ALOX5AP: variants seen among roughly 807,000 people sequenced by gnomAD.
ALOX5AP encodes the protein arachidonate 5-lipoxygenase-activating protein.
ALOX5AP carries 9 observed loss-of-function variants against 18.5 expected under a neutral mutation model. That is an observed-to-expected ratio of 0.49 (90% CI 0.29 to 0.85). The LOEUF is 0.85. Among genes scored for constraint, ALOX5AP ranks in the 40% least tolerant of loss-of-function variants. The pLI is 0.08. For synonymous variants in ALOX5AP, 81 were observed against 78.6 expected (o/e 1.03, Z -0.16); for missense variants, 172 against 202.5 (o/e 0.85, Z 0.91).
At chr13:30,744,695 T>C (rs1346697298) in intron 2 of ALOX5AP, among the ~76,000 whole-genome samples, 1 of 152,236 alleles carries the variant, frequency 6.6e-6, no homozygotes, top group Non-Finnish European at 1.5e-5. Context: ...CCCTCTCTCA[T>C]TCTTTTCTTT....
At chr13:30,740,497 A>G (rs550781557) in intron 1 of ALOX5AP, among the ~76,000 whole-genome samples, 2 of 152,324 alleles carry the variant, frequency 1.3e-5, no homozygotes, top group Non-Finnish European at 2.9e-5. Context: ...GTTTTGGCTT[A>G]CTGTTAGCAG....
chr13:30,740,889 C>A (rs1218323671), intron 1 of ALOX5AP, among the ~76,000 whole-genome samples: 2 of 152,052 alleles, frequency 1.3e-5, no homozygotes, highest in African/African-American at 4.8e-5. Context: ...GTTCTCTGAG[C>A]AAGGAGGGAA....
chr13:30,727,475 T>G (rs1951648189), intron 1 of ALOX5AP, among the ~76,000 whole-genome samples: 2 of 152,170 alleles, frequency 1.3e-5, no homozygotes, highest in East Asian at 3.8e-4. Context: ...TTCCCCAAAT[T>G]CACTTTTCCT....
chr13:30,760,100 C>T (rs1028263151), intron 4 of ALOX5AP, among the ~76,000 whole-genome samples: 12 of 152,248 alleles, frequency 7.9e-5, no homozygotes, highest in South Asian at 6.2e-4. Context: ...ATATCTTGTC[C>T]TCACAGAGCT....
chr13:30,741,849 T>TA (rs1593436962), intron 1 of ALOX5AP, among the ~76,000 whole-genome samples: 1 of 149,796 alleles, frequency 6.7e-6, no homozygotes, highest in South Asian at 2.1e-4. Flanking sequence ...TTTTTTTTTT[T>TA]AATATTTTTG....
intron 1 of ALOX5AP, among the ~76,000 whole-genome samples, 188 bp downstream of exon 1, chr13:30,735,863 C>T (rs1204166146): frequency 1.3e-5 from 2 of 152,122 alleles, no homozygotes; most frequent in South Asian, 2.1e-4. Flanking sequence ...TGGGGTTTTC[C>T]TCCTCTTAGT....
At chr13:30,751,506 C>A (rs11147439) in intron 2 of ALOX5AP, among the ~76,000 whole-genome samples, 68,882 of 152,048 alleles carry the variant, frequency 0.45, 15,781 homozygotes, top group East Asian at 0.62. Flanking sequence ...AGGACTGTGC[C>A]CAGCATACAG....
Position 30,744,116 on chromosome 13 carries a change from C to T in ALOX5AP, c.127C>T (p.Gln43Ter). The change falls in exon 2 of 5, where the codon CAG becomes TAG. Residue 43 changes from glutamine (Q) to a stop codon, truncating the protein, a stop_gained. Coordinates refer to ENST00000380490, the MANE Select transcript of ALOX5AP (RefSeq NM_001629.4). LOFTEE classifies it high-confidence loss of function. Reference protein sequence around the residue: ...ESRTQNGRSFQRTGTLAFERV... With the variant: ...ESRTQNGRSF Reference sequence around the variant, plus strand: ...CAGGACCCAGAATGGGAGGAGCTTCCAGAGGACCGGAACACTTGCCTTTGA... The same window carrying T: ...CAGGACCCAGAATGGGAGGAGCTTCTAGAGGACCGGAACACTTGCCTTTGA... The T allele has an allele frequency of 6.2e-7, 1 of 1,614,116 alleles. No homozygotes were observed. The highest frequency in any genetic ancestry group is 8.5e-7 in the Non-Finnish European group (1 of 1,179,978).
At chr13:30,725,175 G>A (rs918192157) in intron 1 of ALOX5AP, among the ~76,000 whole-genome samples, 13 of 152,224 alleles carry the variant, frequency 8.5e-5, no homozygotes, top group African/African-American at 3.1e-4. Flanking sequence ...AAATCACAGA[G>A]AGTGGTTAAT....
At chr13:30,744,374 G>A (rs953352685) in intron 2 of ALOX5AP, 1 of 491,324 alleles carries the variant, frequency 2.0e-6, no homozygotes, top group South Asian at 2.4e-5. Flanking sequence ...GTGGGGATAT[G>A]GGGCACATTG....
At chr13:30,733,682 C>G (rs1951699210), upstream of ALOX5AP, among the ~76,000 whole-genome samples, 1 of 152,204 alleles carries the variant, frequency 6.6e-6, no homozygotes, top group African/African-American at 2.4e-5. Flanking sequence ...AATCAGCGGA[C>G]TAAGTAAAGA....
intron 1 of ALOX5AP, among the ~76,000 whole-genome samples, chr13:30,740,319 G>C (rs561021448): frequency 6.6e-6 from 1 of 152,316 alleles, no homozygotes; most frequent in Admixed American, 6.5e-5. Context: ...CTGGCCCTCC[G>C]TTTCCTTCAC....
At chr13:30,723,366 C>T (rs1951609428) in intron 1 of ALOX5AP, among the ~76,000 whole-genome samples, 1 of 152,206 alleles carries the variant, frequency 6.6e-6, no homozygotes, top group African/African-American at 2.4e-5. Context: ...ACTATCTTTG[C>T]TCCACTGTAT....
Position 30,757,151 on chromosome 13 carries a change from G to A in ALOX5AP, c.323+1126G>A, listed in dbSNP as rs540990827. Among the ~76,000 whole-genome samples, 7 of 152,166 alleles carry A rather than the reference G, an allele frequency of 4.6e-5. No individual in the cohort carries two copies. The South Asian group carries it at 1.5e-3, about 32-fold the overall frequency. On this transcript the variant is annotated intron_variant, in intron 4 of 4. Coordinates refer to ENST00000380490, the MANE Select transcript of ALOX5AP (RefSeq NM_001629.4). ...ATTTTCCTTCCTTGTGTTCACAGCC[G>A]CTCTGTCTTTTACAATAGCACCCCT...
At chr13:30,741,574 A>G (rs1325851580) in intron 1 of ALOX5AP, among the ~76,000 whole-genome samples, 9 of 89,370 alleles carry the variant, frequency 1.0e-4, no homozygotes, top group Non-Finnish European at 1.7e-4. Context: ...ACAACTGGCT[A>G]ATTTTTGTAT....
At chr13:30,740,319 G>A (rs561021448) in intron 1 of ALOX5AP, among the ~76,000 whole-genome samples, 1 of 152,198 alleles carries the variant, frequency 6.6e-6, no homozygotes, top group African/African-American at 2.4e-5. Context: ...CTGGCCCTCC[G>A]TTTCCTTCAC....
exon 1 of ALOX5AP, chr13:30,713,622 C>T: frequency 1.2e-6 from 1 of 808,234 alleles, no homozygotes; most frequent in South Asian, 1.6e-5. Context: ...CTCTCATCTC[C>T]CGTTTTTGAA....
chr13:30,731,045 C>G (rs909104343), upstream of ALOX5AP, among the ~76,000 whole-genome samples: 20 of 152,148 alleles, frequency 1.3e-4, no homozygotes, highest in African/African-American at 4.8e-4. Context: ...GGGGTGGGCT[C>G]GCAGCCCTGT....
At chr13:30,741,955 A>G (rs1017989178) in intron 1 of ALOX5AP, among the ~76,000 whole-genome samples, 1 of 152,026 alleles carries the variant, frequency 6.6e-6, no homozygotes, top group Non-Finnish European at 1.5e-5. Context: ...GGTTCCAGAA[A>G]GAAAATGATC....
Sources: allele counts gnomAD v4.1 joint callset (sites outside exome capture counted in the v4.1 genomes callset), GRCh38; gene constraint gnomAD v4.1.1; transcripts MANE v1.5; gene names NCBI Gene and HGNC (gene_info 2026-07-23, HGNC 2026-07-21).